A4GALT: variants seen among roughly 807,000 people sequenced by gnomAD.
The protein encoded by A4GALT is lactosylceramide 4-alpha-galactosyltransferase.
For missense variants in A4GALT, 512 were observed against 486.0 expected (o/e 1.05, Z -0.50); for synonymous variants, 257 against 220.7 (o/e 1.16, Z -1.46).
At position 42,692,593 on chromosome 22, in the gene A4GALT, C is replaced by T. The variant is rs28915385; in HGVS notation, c.*297G>A. 1,650 of 545,628 alleles carry T rather than the reference C, an allele frequency of 3.0e-3. 5 individuals are homozygous for T. The highest frequency in any genetic ancestry group is 4.1e-3 in the Non-Finnish European group (1,160 of 284,220). The allele number at this position is 545,628 out of a possible 1,614,324, so 33.8% of individuals were successfully genotyped here. ...TGTCCCAACTGCCTGGCTTTCCGCA[C>T]CACCTGGGGGTGCCCTGAGGTTCAT... On this transcript the variant is annotated 3_prime_UTR_variant, in exon 3 of 3. Coordinates refer to ENST00000642412, the MANE Select transcript of A4GALT (RefSeq NM_017436.7). This position sits in a 1 kb window ranked among gnomAD's most constrained non-coding sequence, Gnocchi z 4.6.
At chr22:42,720,177 G>A (rs1173952530) in intron 1 of A4GALT, among the ~76,000 whole-genome samples, 1 of 151,724 alleles carries the variant, frequency 6.6e-6, no homozygotes, top group African/African-American at 2.4e-5. Context: ...CGCGGAGGCC[G>A]GGCGACTCCA....
At chr22:42,714,802 G>C (rs1332400768) in intron 1 of A4GALT, among the ~76,000 whole-genome samples, 1 of 152,052 alleles carries the variant, frequency 6.6e-6, no homozygotes, top group African/African-American at 2.4e-5. Context: ...ACATCAGGGG[G>C]TAAAATGTGC....
chr22:42,709,067 A>ATATATACTTTTTTT, intron 1 of A4GALT, among the ~76,000 whole-genome samples: 1 of 128,806 alleles, frequency 7.8e-6, no homozygotes, highest in South Asian at 2.6e-4. Flanking sequence ...ATATATATAT[A>ATATATACTTTTTTT]TTTTTTTTAA....
intron 1 of A4GALT, among the ~76,000 whole-genome samples, chr22:42,711,164 T>C (rs1379265870): frequency 6.6e-6 from 1 of 152,014 alleles, no homozygotes; most frequent in African/African-American, 2.4e-5. Flanking sequence ...CCAAAGACAA[T>C]TCACACACAT....
chr22:42,694,718 C>T (rs1006855581), intron 2 of A4GALT: 1 of 152,366 alleles, frequency 6.6e-6, no homozygotes, highest in Non-Finnish European at 1.5e-5. Context: ...GACCCCAACT[C>T]TGCCTGAACC....
At position 42,714,274 on chromosome 22, in the gene A4GALT, C is replaced by CAAAAAAAAAAAA. The variant is rs1163088658; in HGVS notation, c.-188+6511_-188+6522dup. 3.1e-4 allele frequency among the ~76,000 whole-genome samples: 5 copies of CAAAAAAAAAAAA among 16,162 alleles called. 2 individuals carry two copies. Among genetic ancestry groups the CAAAAAAAAAAAA allele is most frequent in the African/African-American group, 5.0e-4 (3 of 6,000 alleles). The allele number at this position is 16,162 out of a possible 152,430, so 10.6% of individuals were successfully genotyped here. A position where few individuals can be genotyped will look rare whatever the true frequency, so the allele number is the denominator to read the frequency against. On this transcript the variant is annotated intron_variant, in intron 1 of 2. Transcript: ENST00000642412. ...TGGGCAACAGAGCAAGACTCTGTCT[C>CAAAAAAAAAAAA]AAAAAAAAAAAAAAAAAAAAAAAAA...
In A4GALT at chr22:42,704,651, G is replaced by C. The variant is rs12159739; in HGVS notation, c.-187-9020C>G. On this transcript the variant is annotated intron_variant, in intron 1 of 2. Transcript: ENST00000642412. ...CAGGAATCAAGCAGGCGGTCTTGCT[G>C]TCTGGGTGGACGTTACAAACAGAAA... Among the ~76,000 whole-genome samples, 168 of 152,208 alleles carry C rather than the reference G, an allele frequency of 1.1e-3. 3 individuals are homozygous for C. The highest frequency in any genetic ancestry group is 3.4e-3 in the African/African-American group (143 of 41,512).
At chr22:42,709,785 G>A (rs1921518744) in intron 1 of A4GALT, among the ~76,000 whole-genome samples, 1 of 151,988 alleles carries the variant, frequency 6.6e-6, no homozygotes, top group Admixed American at 6.6e-5. Flanking sequence ...GTGAGACTCT[G>A]TCTCAAAAAA....
rs1312293171 is a variant in A4GALT at position 42,703,095 on chromosome 22, A to G, written c.-187-7464T>C. On this transcript the variant is annotated intron_variant, in intron 1 of 2. Transcript: ENST00000642412. The stretch of plus-strand genomic sequence containing the variant: ...TGTGTGTGTGTGTGTGAGAGAGAGC[A>G]TGCTGCCCCACTGTGTGTGTGTGTG... 4.1e-3 allele frequency among the ~76,000 whole-genome samples: 376 copies of G among 92,234 alleles called. 4 individuals are homozygous for G. The highest frequency in any genetic ancestry group is 0.03 in the African/African-American group (357 of 11,796). The allele number at this position is 92,234 out of a possible 152,430, so 60.5% of individuals were successfully genotyped here. A position where few individuals can be genotyped will look rare whatever the true frequency, so the allele number is the denominator to read the frequency against.
At position 42,692,950 on chromosome 22, in the gene A4GALT, C is replaced by G; in HGVS notation, c.1002G>C (p.Leu334=). ...GGCAGTAGCGGGCATGCAGCTGGGC[C>G]AGCAGTGCCCTGGACGTGGCCTCGA... is the stretch of plus-strand genomic sequence containing the variant. ...TRFEATSRAL[L]AQLHARYCPT... Residue 334 remains leucine, a synonymous_variant, in exon 3 of 3, where the codon CTG becomes CTC. Coordinates refer to ENST00000642412, the MANE Select transcript of A4GALT (RefSeq NM_017436.7). The surrounding 1 kb of genome is among the most constrained non-coding windows in gnomAD (Gnocchi z 4.6). 1 of 1,611,774 alleles carries G rather than the reference C, an allele frequency of 6.2e-7. No individual in the cohort carries two copies. Among genetic ancestry groups the G allele is most frequent in the Non-Finnish European group, 8.5e-7 (1 of 1,179,944 alleles).
chr22:42,700,974 T>G (rs1048696497), intron 1 of A4GALT, among the ~76,000 whole-genome samples: 6 of 152,178 alleles, frequency 3.9e-5, no homozygotes, highest in Admixed American at 2.0e-4. Flanking sequence ...CTCTTTATCA[T>G]GCTCCCAGTC....
intron 1 of A4GALT, among the ~76,000 whole-genome samples, chr22:42,709,067 A>ATATTTTT (rs1180529043): frequency 3.9e-5 from 5 of 128,806 alleles, no homozygotes; most frequent in African/African-American, 1.4e-4. Context: ...ATATATATAT[A>ATATTTTT]TTTTTTTTAA....
chr22:42,716,977 C>T (rs1018799597), intron 1 of A4GALT, among the ~76,000 whole-genome samples: 2 of 152,190 alleles, frequency 1.3e-5, no homozygotes, highest in Admixed American at 6.5e-5. Context: ...GACTGCACAG[C>T]GTGACCGCAG....
intron 1 of A4GALT, among the ~76,000 whole-genome samples, chr22:42,715,173 TAGA>T (rs1922061104): frequency 6.6e-6 from 1 of 152,088 alleles, no homozygotes; most frequent in South Asian, 2.1e-4. Context: ...ACTTACGTCT[TAGA>T]GATCTAAGAG....
At chr22:42,716,456 G>A (rs1922185807) in intron 1 of A4GALT, among the ~76,000 whole-genome samples, 1 of 152,172 alleles carries the variant, frequency 6.6e-6, no homozygotes, top group South Asian at 2.1e-4. Context: ...GCAGCCGTTG[G>A]TCAAAGTGGT....
upstream of A4GALT, chr22:42,721,020 C>T (rs1164554027): frequency 6.6e-6 from 1 of 151,818 alleles, no homozygotes; most frequent in Non-Finnish European, 1.5e-5. Flanking sequence ...CCTCGCTGCT[C>T]CCCGGGGCGG....
intron 1 of A4GALT, among the ~76,000 whole-genome samples, chr22:42,702,099 GTCTCTCTCTCTCTT>G (rs1019099245): frequency 2.0e-5 from 3 of 150,544 alleles, no homozygotes; most frequent in Non-Finnish European, 4.4e-5. Context: ...CCAGGTTGGT[GTCTCTCTCTCTCTT>G]TCTCTCTCTC....
At chr22:42,695,675 TCA>T (rs1013659148) in intron 1 of A4GALT, 44 bp from the exon 2 acceptor site, 8 of 152,200 alleles carry the variant, frequency 5.3e-5, no homozygotes, top group African/African-American at 1.9e-4. Context: ...TCGCTGGCTC[TCA>T]GAGGCCTCGT....
In A4GALT at chr22:42,709,904, T is replaced by C. The variant is rs114146190; in HGVS notation, c.-188+10893A>G. Among the ~76,000 whole-genome samples the C allele has an allele frequency of 5.2e-3, 797 of 152,250 alleles. 8 individuals are homozygous for C. Among genetic ancestry groups the C allele is most frequent in the African/African-American group, 0.019 (772 of 41,534 alleles). ...GAAATCATGAATATAATTCATCATA[T>C]TAAATAGATCTAAGCAGAAAAATCA... On this transcript the variant is annotated intron_variant, in intron 1 of 2. Transcript: ENST00000642412.
Sources: allele counts gnomAD v4.1 joint callset (sites outside exome capture counted in the v4.1 genomes callset), GRCh38; gene constraint gnomAD v4.1.1; non-coding constraint Gnocchi (gnomAD v3.1); transcripts MANE v1.5; gene names NCBI Gene and HGNC (gene_info 2026-07-23, HGNC 2026-07-21).